NEIL3: variants seen among roughly 807,000 people sequenced by gnomAD.
The protein encoded by NEIL3 is endonuclease 8-like 3.
A neutral mutation model predicts 57.5 loss-of-function variants in NEIL3; 48 were observed. The ratio of observed to expected loss-of-function variants is 0.83; its 90% CI spans 0.66 to 1.06. The LOEUF (loss-of-function observed/expected upper bound fraction) is 1.06, where lower values mean the gene tolerates loss of function less well. NEIL3 is among the 50% of genes least tolerant of loss of function. The pLI is 0.00. For synonymous variants in NEIL3, 261 were observed against 253.2 expected, an observed-to-expected ratio of 1.03 and a Z score of -0.29; for missense variants, 717 against 739.1, an observed-to-expected ratio of 0.97 and a Z score of 0.35.
chr4:177,309,875 G>C lies in NEIL3; in HGVS notation c.-79G>C. ...TTTGAATTTCCTCTGCGTGCGGTCA[G>C]TGCCCGCGCAGCGTTGAGTTGCACA... On this transcript the variant is annotated 5_prime_UTR_variant, in exon 1 of 10. Transcript: ENST00000264596. 2 of 1,521,338 alleles carry C rather than the reference G, an allele frequency of 1.3e-6. No homozygotes were observed. Among genetic ancestry groups the C allele is most frequent in the African/African-American group, 2.9e-5 (2 of 70,078 alleles). 94.2% of individuals were successfully genotyped at this position (1,521,338 alleles called of 1,614,324 possible). A position where few individuals can be genotyped will look rare whatever the true frequency, so the allele number is the denominator to read the frequency against.
intron 1 of NEIL3, among the ~76,000 whole-genome samples, chr4:177,321,063 A>G (rs549407751): frequency 2.0e-4 from 31 of 152,158 alleles, no homozygotes; most frequent in African/African-American, 7.2e-4. Context: ...TAGAGTGGAC[A>G]TGTCATCTTA....
chr4:177,340,069 T>C (rs1325538461), intron 5 of NEIL3, among the ~76,000 whole-genome samples: 2 of 152,220 alleles, frequency 1.3e-5, no homozygotes, highest in African/African-American at 4.8e-5. Context: ...CCATATTCAA[T>C]TATCTTTATA....
intron 1 of NEIL3, among the ~76,000 whole-genome samples, chr4:177,321,028 A>G (rs955786010): frequency 3.9e-5 from 6 of 152,028 alleles, no homozygotes; most frequent in East Asian, 1.9e-4. Flanking sequence ...TATCTTAACA[A>G]AGACCAATTT....
intron 6 of NEIL3, among the ~76,000 whole-genome samples, chr4:177,350,314 G>A (rs1735324078): frequency 1.3e-5 from 2 of 152,150 alleles, no homozygotes; most frequent in Admixed American, 1.3e-4. Context: ...TTGCTTAACT[G>A]TGTGACATGC....
chr4:177,365,834 G>A (rs1217392246), downstream of NEIL3, among the ~76,000 whole-genome samples: 1 of 152,042 alleles, frequency 6.6e-6, no homozygotes, highest in African/African-American at 2.4e-5. Flanking sequence ...TGAACCTATC[G>A]ATGATGTGAA....
downstream of NEIL3, among the ~76,000 whole-genome samples, chr4:177,364,125 G>T (rs1349104380): frequency 6.6e-6 from 1 of 152,174 alleles, no homozygotes; most frequent in Non-Finnish European, 1.5e-5. Flanking sequence ...TTCCTGTTTG[G>T]AAGGAAAGAT....
intron 1 of NEIL3, among the ~76,000 whole-genome samples, chr4:177,316,801 C>T (rs1278470364): frequency 6.6e-6 from 1 of 152,090 alleles, no homozygotes; most frequent in East Asian, 1.9e-4. Flanking sequence ...AGTAATAATT[C>T]AGTATAGTAA....
chr4:177,354,491 C>G (rs772127249), intron 8 of NEIL3, among the ~76,000 whole-genome samples: 7 of 152,050 alleles, frequency 4.6e-5, no homozygotes, highest in Non-Finnish European at 8.8e-5. Flanking sequence ...CCTGTAGTGA[C>G]CTTTCTGTTA....
chr4:177,340,353 G>A (rs1398884599), intron 5 of NEIL3, among the ~76,000 whole-genome samples: 1 of 152,172 alleles, frequency 6.6e-6, no homozygotes, highest in Non-Finnish European at 1.5e-5. Flanking sequence ...CCACAGTTTT[G>A]AGAAGGAAGG....
chr4:177,310,152 A>T, intron 1 of NEIL3, 43 bp downstream of exon 1: 1 of 1,495,486 alleles, frequency 6.7e-7, no homozygotes, highest in African/African-American at 1.5e-5. Flanking sequence ...GCAGGGGGGA[A>T]ATGGAATAAA....
At chr4:177,332,697 G>A (rs1292936254) in intron 2 of NEIL3, among the ~76,000 whole-genome samples, 1 of 152,080 alleles carries the variant, frequency 6.6e-6, no homozygotes, top group Non-Finnish European at 1.5e-5. Context: ...GGGCTCCGGG[G>A]ATTCTAAACT....
chr4:177,336,395 C>T (rs540113246), intron 4 of NEIL3, 74 bp downstream of exon 4: 61 of 1,120,630 alleles, frequency 5.4e-5, no homozygotes, highest in Admixed American at 1.6e-4. Context: ...GAAGCCTTAA[C>T]TCTGCATTTC....
Position 177,335,788 on chromosome 4 carries a change from T to A in NEIL3, c.379T>A (p.Leu127Met). ...PVLEVQLTKD[L>M]ICFFDSSVEL... is the part of the protein sequence containing the mutation. ...TTTGGAAGTGCAGCTCACCAAAGAT[T>A]TGATTTGTTTCTTTGACTCATCAGT... The change falls in exon 3 of 10, where the codon TTG becomes ATG. Residue 127 changes from leucine to methionine, a missense_variant. By Grantham distance (15) the Leu-to-Met change is conservative. Transcript: ENST00000264596. 1 of 1,579,922 alleles carries A rather than the reference T, an allele frequency of 6.3e-7. No individual in the cohort carries two copies.
intron 1 of NEIL3, among the ~76,000 whole-genome samples, chr4:177,318,917 G>A (rs1180791243): frequency 6.6e-6 from 1 of 152,168 alleles, no homozygotes; most frequent in African/African-American, 2.4e-5. Context: ...GACACATAGT[G>A]GAAGGTCAGT....
At chr4:177,323,828 A>C (rs973590687) in intron 2 of NEIL3, among the ~76,000 whole-genome samples, 1 of 152,172 alleles carries the variant, frequency 6.6e-6, no homozygotes, top group Admixed American at 6.5e-5. Context: ...CAGACTGATA[A>C]GGGGGAAGTC....
At chr4:177,367,901 G>T (rs1735711433), downstream of NEIL3, among the ~76,000 whole-genome samples, 1 of 152,148 alleles carries the variant, frequency 6.6e-6, no homozygotes, top group South Asian at 2.1e-4. Context: ...CTGTGTAATA[G>T]ACTTTGTTGC....
At chr4:177,345,107 C>T (rs1414760761) in intron 6 of NEIL3, among the ~76,000 whole-genome samples, 1 of 152,090 alleles carries the variant, frequency 6.6e-6, no homozygotes. Context: ...ATAGATAAAG[C>T]ACCGTGATGG....
At chr4:177,364,347 A>C (rs1362443693), downstream of NEIL3, among the ~76,000 whole-genome samples, 1 of 152,198 alleles carries the variant, frequency 6.6e-6, no homozygotes, top group Non-Finnish European at 1.5e-5. Context: ...GAAATTTAGA[A>C]GAAAGAATAG....
At chr4:177,310,135 G>A in intron 1 of NEIL3, 26 bp downstream of exon 1, 12 of 1,530,186 alleles carry the variant, frequency 7.8e-6, no homozygotes, top group Non-Finnish European at 1.0e-5. Context: ...AACAGGCCAT[G>A]CAGTCAGCAG....
Sources: gnomAD v4.1 joint callset for allele counts (sites outside exome capture counted in the v4.1 genomes callset) on GRCh38, gnomAD v4.1.1 for gene constraint, MANE v1.5 for transcripts, NCBI Gene and HGNC (gene_info 2026-07-23, HGNC 2026-07-21) for gene names.